FGGY: variants seen among roughly 807,000 people sequenced by gnomAD.
The protein encoded by FGGY is FGGY carbohydrate kinase domain-containing protein.
FGGY carries 72 observed loss-of-function variants against 71.3 expected under a neutral mutation model. The ratio of observed to expected loss-of-function variants is 1.01; its 90% CI spans 0.84 to 1.23. The LOEUF (loss-of-function observed/expected upper bound fraction) is 1.23, where lower values mean the gene tolerates loss of function less well. Ranked by LOEUF, FGGY falls within the 50% of genes most tolerant of loss-of-function variation. The pLI is 0.00. For synonymous variants in FGGY, 251 were observed against 250.3 expected, an observed-to-expected ratio of 1.00 and a Z score of -0.02; for missense variants, 668 against 682.3, an observed-to-expected ratio of 0.98 and a Z score of 0.23.
At chr1:59,341,356 TATTATA>T (rs1008128824) in intron 3 of FGGY, among the ~76,000 whole-genome samples, 5 of 152,192 alleles carry the variant, frequency 3.3e-5, no homozygotes, top group Non-Finnish European at 4.4e-5. Flanking sequence ...AAATAGTGAT[TATTATA>T]ATTATAAGGA....
At chr1:59,463,056 C>T (rs947295427) in intron 6 of FGGY, among the ~76,000 whole-genome samples, 1 of 152,134 alleles carries the variant, frequency 6.6e-6, no homozygotes, top group Non-Finnish European at 1.5e-5. Context: ...TTGGAACCAA[C>T]CCAAATGTCC....
At chr1:59,449,535 A>T (rs2072157188) in intron 5 of FGGY, among the ~76,000 whole-genome samples, 1 of 152,192 alleles carries the variant, frequency 6.6e-6, no homozygotes, top group African/African-American at 2.4e-5. Flanking sequence ...CACCTGCCTC[A>T]GCCTCCCAAG....
At chr1:59,515,292 A>G (rs538267243) in intron 7 of FGGY, among the ~76,000 whole-genome samples, 2 of 152,264 alleles carry the variant, frequency 1.3e-5, no homozygotes, top group South Asian at 4.1e-4. Context: ...TTCTCCTGGA[A>G]TGGCTGTATG....
intron 9 of FGGY, among the ~76,000 whole-genome samples, chr1:59,616,142 A>T (rs1572146803): frequency 6.6e-6 from 1 of 152,216 alleles, no homozygotes; most frequent in African/African-American, 2.4e-5. Flanking sequence ...CTGGGTATAT[A>T]CCCAAAGGAT....
At chr1:59,755,003 T>C (rs1174855026) in intron 14 of FGGY, 2 of 152,220 alleles carry the variant, frequency 1.3e-5, no homozygotes, top group African/African-American at 2.4e-5. Flanking sequence ...TCTCTGCTGG[T>C]CTGTGTCTTC....
In FGGY at chr1:59,403,725, G is replaced by T. The variant is rs139875369; in HGVS notation, c.554+24888G>T. 1.6e-3 allele frequency among the ~76,000 whole-genome samples: 247 copies of T among 152,294 alleles called. 1 individual carries two copies. The highest frequency in any genetic ancestry group is 5.6e-3 in the African/African-American group (231 of 41,568). ...TGTGTTGGGGAGCATTTAGAGAAGA[G>T]AACACAAAGTCCTCACGTGCTTTAC... On this transcript the variant is annotated intron_variant, in intron 5 of 15. Coordinates refer to ENST00000303721, the MANE Select transcript of FGGY (RefSeq NM_018291.5).
Position 59,308,320 on chromosome 1 carries a change from A to C in FGGY, c.-15+11170A>C, listed in dbSNP as rs138908174. Among the ~76,000 whole-genome samples the C allele has an allele frequency of 1.3e-3, 203 of 152,306 alleles. 1 individual carries two copies. Among genetic ancestry groups the C allele is most frequent in the African/African-American group, 4.7e-3 (196 of 41,574 alleles). ...TGTTTGGATGATCCTTTGGGATAAAAATTAGGACTAGAGGGTAGGAGCTAT... is the reference window on the plus strand; with the variant it reads ...TGTTTGGATGATCCTTTGGGATAAACATTAGGACTAGAGGGTAGGAGCTAT... On this transcript the variant is annotated intron_variant, in intron 1 of 15. Coordinates refer to ENST00000303721, the MANE Select transcript of FGGY (RefSeq NM_018291.5).
At chr1:59,755,768 A>T (rs569685551) in intron 14 of FGGY, 10 of 152,274 alleles carry the variant, frequency 6.6e-5, no homozygotes, top group South Asian at 6.2e-4. Context: ...TACCTTCTAT[A>T]ATAGAAGTTT....
In FGGY at chr1:59,468,847, G is replaced by A. The variant is rs565882738; in HGVS notation, c.670+11771G>A. On this transcript the variant is annotated intron_variant, in intron 6 of 15. Transcript: ENST00000303721. ...AGATTGCACCACTGCACTCCAGTCT[G>A]CTCCACTGAGCAAGACTCTGTCTTT... Among the ~76,000 whole-genome samples the A allele has an allele frequency of 1.6e-4, 24 of 146,982 alleles. 1 individual carries two copies. The South Asian group carries it at 3.9e-3, about 24-fold the overall frequency.
Position 59,409,222 on chromosome 1 carries a change from G to A in FGGY, c.554+30385G>A, listed in dbSNP as rs1282661097. Among the ~76,000 whole-genome samples the A allele has an allele frequency of 2.6e-5, 4 of 152,244 alleles. 1 individual carries two copies. In the Middle Eastern group the frequency reaches 0.01, roughly 388 times the overall value. On this transcript the variant is annotated intron_variant, in intron 5 of 15. Coordinates refer to ENST00000303721, the MANE Select transcript of FGGY (RefSeq NM_018291.5). The stretch of plus-strand genomic sequence containing the variant: ...CAAAGGTTTTAGAAGGCAGAATTCA[G>A]AAAAAAATTGATAGAAGTTGTGCTG...
At chr1:59,389,188 C>T (rs954011258) in intron 5 of FGGY, among the ~76,000 whole-genome samples, 28 of 152,104 alleles carry the variant, frequency 1.8e-4, no homozygotes, top group Admixed American at 4.6e-4. Context: ...CCTTGTGATC[C>T]GCCCACGGCT....
intron 9 of FGGY, among the ~76,000 whole-genome samples, chr1:59,618,282 A>G (rs2096776297): frequency 6.6e-6 from 1 of 152,102 alleles, no homozygotes; most frequent in Admixed American, 6.6e-5. Context: ...GCCCATTAGG[A>G]TTTGGTATTT....
intron 14 of FGGY, among the ~76,000 whole-genome samples, chr1:59,745,325 A>C (rs1161038413): frequency 6.6e-6 from 1 of 152,232 alleles, no homozygotes; most frequent in East Asian, 1.9e-4. Context: ...ATGGATGGAT[A>C]GATTCCTTGC....
intron 5 of FGGY, among the ~76,000 whole-genome samples, chr1:59,431,510 G>A (rs1356228626): frequency 1.3e-5 from 2 of 152,166 alleles, no homozygotes; most frequent in African/African-American, 4.8e-5. Flanking sequence ...CACTAGATGT[G>A]GCTTAAATAA....
chr1:59,296,427 G>T (rs2153067808), upstream of FGGY, among the ~76,000 whole-genome samples: 1 of 152,368 alleles, frequency 6.6e-6, no homozygotes, highest in Middle Eastern at 3.4e-3. Context: ...CCCATCAGGG[G>T]CTGCGGAGAG....
chr1:59,443,817 T>C (rs532621877), intron 5 of FGGY, among the ~76,000 whole-genome samples: 4 of 152,322 alleles, frequency 2.6e-5, no homozygotes, highest in East Asian at 3.9e-4. Context: ...GAAATAGTTA[T>C]GATTGGGAAT....
intron 15 of FGGY, among the ~76,000 whole-genome samples, chr1:59,761,987 A>C (rs2101942102): frequency 6.6e-6 from 1 of 152,234 alleles, no homozygotes; most frequent in South Asian, 2.1e-4. Flanking sequence ...AGAAGCTTTG[A>C]AGTCAGACAG....
chr1:59,627,552 G>T lies in FGGY; in HGVS notation c.1073+1503G>T, dbSNP rs901787605. Among the ~76,000 whole-genome samples the T allele has an allele frequency of 1.4e-4, 21 of 146,340 alleles. 1 individual carries two copies. On this transcript the variant is annotated intron_variant, in intron 10 of 15. Coordinates refer to ENST00000303721, the MANE Select transcript of FGGY (RefSeq NM_018291.5). ...AGTAAATATAGATATGTATATTCAT[G>T]CATGAATATACATGCATATACTCCC...
intron 5 of FGGY, among the ~76,000 whole-genome samples, chr1:59,399,471 CA>C: frequency 6.6e-6 from 1 of 152,158 alleles, no homozygotes; most frequent in Non-Finnish European, 1.5e-5. Context: ...GAAACTTTCC[CA>C]TAGTAACAGA....
Sources: allele counts gnomAD v4.1 joint callset (sites outside exome capture counted in the v4.1 genomes callset), GRCh38; gene constraint gnomAD v4.1.1; transcripts MANE v1.5; gene names NCBI Gene and HGNC (gene_info 2026-07-23, HGNC 2026-07-21).